NCAM1: variants seen among roughly 807,000 people sequenced by gnomAD.
The protein encoded by NCAM1 is neural cell adhesion molecule 1, also known as antigen recognized by monoclonal antibody 5.1H11.
NCAM1 carries 14 observed loss-of-function variants against 109.8 expected under a neutral mutation model. That is an observed-to-expected ratio of 0.13 (90% CI 0.08 to 0.20). NCAM1 has a LOEUF of 0.20. NCAM1 is among the 10% of genes least tolerant of loss of function. The pLI is 1.00. For missense variants in NCAM1, 774 were observed against 1,109.9 expected (o/e 0.70, Z 4.30); for synonymous variants, 418 against 442.9 (o/e 0.94, Z 0.70).
At chr11:113,197,497 A>G (rs544099642) in intron 1 of NCAM1, among the ~76,000 whole-genome samples, 1 of 152,348 alleles carries the variant, frequency 6.6e-6, no homozygotes, top group Non-Finnish European at 1.5e-5. Flanking sequence ...TAAATAGATT[A>G]TAGAAAACTC....
At chr11:113,164,007 C>A (rs143708640) in intron 1 of NCAM1, among the ~76,000 whole-genome samples, 1 of 152,314 alleles carries the variant, frequency 6.6e-6, no homozygotes, top group African/African-American at 2.4e-5. Context: ...GATTGCCGAA[C>A]ACCACATTAT....
intron 1 of NCAM1, among the ~76,000 whole-genome samples, chr11:113,190,806 G>C (rs544758477): frequency 6.6e-6 from 1 of 152,234 alleles, no homozygotes; most frequent in East Asian, 1.9e-4. Context: ...CAGTGGTTGT[G>C]GGGGTGGGGA....
intron 1 of NCAM1, among the ~76,000 whole-genome samples, chr11:113,033,374 G>C (rs1555078605): frequency 6.6e-6 from 1 of 152,144 alleles, no homozygotes; most frequent in African/African-American, 2.4e-5. Flanking sequence ...TGTGCAGATG[G>C]GGGTGGAGTT....
chr11:113,181,726 C>A (rs945735573), intron 1 of NCAM1, among the ~76,000 whole-genome samples: 1 of 152,050 alleles, frequency 6.6e-6, no homozygotes, highest in Non-Finnish European at 1.5e-5. Flanking sequence ...TGGTTGTAAT[C>A]CAGATGATCT....
chr11:113,061,051 C>G (rs1937622131), intron 1 of NCAM1, among the ~76,000 whole-genome samples: 1 of 152,164 alleles, frequency 6.6e-6, no homozygotes, highest in African/African-American at 2.4e-5. Flanking sequence ...ACCCTTTAAT[C>G]AACACCTCTC....
intron 9 of NCAM1, among the ~76,000 whole-genome samples, chr11:113,222,854 A>C (rs1269019504): frequency 6.6e-6 from 1 of 152,168 alleles, no homozygotes; most frequent in Admixed American, 6.5e-5. Flanking sequence ...TGAGTGTCTT[A>C]CTTTGGACGT....
rs1945027137 is a variant in NCAM1 at position 113,232,069 on chromosome 11, C to G, written c.1241-101C>G. ...TGACCTCTACTATACCAGGCGCTGG[C>G]TCTGCTTTGGAGCACACCTGCCTTC... On this transcript the variant is annotated intron_variant, in intron 10 of 19. Transcript: ENST00000316851. The G allele has an allele frequency of 1.5e-5, 18 of 1,220,446 alleles. No homozygotes were observed. In the South Asian group the frequency reaches 2.3e-4, roughly 16 times the overall value. The allele number at this position is 1,220,446 out of a possible 1,614,324, so 75.6% of individuals were successfully genotyped here.
At chr11:113,212,441 G>A (rs957941424) in intron 7 of NCAM1, among the ~76,000 whole-genome samples, 1 of 152,150 alleles carries the variant, frequency 6.6e-6, no homozygotes, top group African/African-American at 2.4e-5. Flanking sequence ...AATATTAATA[G>A]ATGGCAACTG....
At chr11:112,966,227 TG>T (rs1412518343) in intron 1 of NCAM1, among the ~76,000 whole-genome samples, 6 of 152,204 alleles carry the variant, frequency 3.9e-5, no homozygotes, top group Non-Finnish European at 8.8e-5. Flanking sequence ...ATTAATCACG[TG>T]GCTGTATAAA....
chr11:113,134,378 A>G (rs1195967255), intron 1 of NCAM1, among the ~76,000 whole-genome samples: 2 of 152,096 alleles, frequency 1.3e-5, no homozygotes, highest in African/African-American at 4.8e-5. Context: ...TTGTTTATCC[A>G]TTCACCCACT....
intron 1 of NCAM1, among the ~76,000 whole-genome samples, chr11:113,185,917 A>G (rs1443835939): frequency 6.6e-6 from 1 of 152,196 alleles, no homozygotes; most frequent in African/African-American, 2.4e-5. Context: ...ATCTATTTTT[A>G]ACAAGTTCTG....
At chr11:113,052,234 A>G (rs1402613932) in intron 1 of NCAM1, among the ~76,000 whole-genome samples, 1 of 152,222 alleles carries the variant, frequency 6.6e-6, no homozygotes, top group Non-Finnish European at 1.5e-5. Context: ...TCAATAAAGC[A>G]ATTTCAAATG....
chr11:113,145,703 A>G (rs1256105336), intron 1 of NCAM1, among the ~76,000 whole-genome samples: 8 of 152,154 alleles, frequency 5.3e-5, no homozygotes, highest in African/African-American at 7.2e-5. Context: ...GTGTGTGTCA[A>G]TTGAGGTCAG....
At chr11:113,034,371 G>T (rs1310588193) in intron 1 of NCAM1, among the ~76,000 whole-genome samples, 1 of 151,922 alleles carries the variant, frequency 6.6e-6, no homozygotes, top group East Asian at 1.9e-4. Flanking sequence ...GAGTATTCAA[G>T]ATATAAACAC....
At chr11:113,173,838 G>T (rs1943068263) in intron 1 of NCAM1, among the ~76,000 whole-genome samples, 1 of 151,878 alleles carries the variant, frequency 6.6e-6, no homozygotes, top group Admixed American at 6.6e-5. Flanking sequence ...CGGCAGGGCT[G>T]GTGGCCTCGG....
chr11:113,212,434 A>G (rs782282563), intron 7 of NCAM1, among the ~76,000 whole-genome samples: 3 of 152,198 alleles, frequency 2.0e-5, no homozygotes, highest in Non-Finnish European at 4.4e-5. Context: ...AAGGCCAAAT[A>G]TTAATAGATG....
chr11:113,263,558 G>A, intron 17 of NCAM1: 1 of 985,702 alleles, frequency 1.0e-6, no homozygotes, highest in Non-Finnish European at 1.2e-6. Flanking sequence ...TGAACGTTCT[G>A]GGATGTGCTT....
intron 14 of NCAM1, chr11:113,235,417 T>A: frequency 1.3e-6 from 1 of 780,236 alleles, no homozygotes; most frequent in Non-Finnish European, 2.2e-6. Flanking sequence ...AGAATAACAG[T>A]GAAGGGGAAG....
At chr11:113,041,271 T>G (rs1424125416) in intron 1 of NCAM1, 1 of 152,240 alleles carries the variant, frequency 6.6e-6, no homozygotes, top group African/African-American at 2.4e-5. Flanking sequence ...GCCTTTATGT[T>G]TGTTAATGTG....
Sources: gnomAD v4.1 joint callset for allele counts (sites outside exome capture counted in the v4.1 genomes callset) on GRCh38, gnomAD v4.1.1 for gene constraint, MANE v1.5 for transcripts, NCBI Gene and HGNC (gene_info 2026-07-23, HGNC 2026-07-21) for gene names.